The following PEG3 variants were observed in gnomAD, a reference collection of about 807,000 sequenced individuals.
PEG3 encodes the protein paternally expressed 3.
PEG3 carries 23 observed loss-of-function variants against 35.5 expected under a neutral mutation model. The ratio of observed to expected loss-of-function variants is 0.65; its 90% CI spans 0.47 to 0.92. The LOEUF (loss-of-function observed/expected upper bound fraction) is 0.92, where lower values mean the gene tolerates loss of function less well. PEG3 is among the 40% of genes least tolerant of loss of function. PEG3 has a pLI of 0.00. For missense variants in PEG3, 1,960 were observed against 1,985.3 expected (o/e 0.99, Z 0.24); for synonymous variants, 707 against 697.0 (o/e 1.01, Z -0.23).
intron 2 of PEG3, among the ~76,000 whole-genome samples, chr19:56,831,922 G>A (rs1257620646): frequency 1.3e-5 from 2 of 152,188 alleles, no homozygotes; most frequent in Admixed American, 6.5e-5. Context: ...GCAGTTTTCA[G>A]AAAGCAAAGC....
chr19:56,821,753 C>A lies in PEG3; in HGVS notation c.567G>T (p.Arg189Ser). 6.2e-7 allele frequency: 1 copy of A among 1,613,820 alleles called. No homozygotes were observed. The highest frequency in any genetic ancestry group is 8.5e-7 in the Non-Finnish European group (1 of 1,180,002). ...GAAGGGAAAGATCCCGCGGAGGCAT[C>A]CCTGGGAAGAAAAAAGGCATCAACA... The part of the protein sequence containing the change: ...RWSHTRNPRS[R>S]MPPRDLSLPV... The change falls in exon 7 of 10, where the codon AGG (arginine) becomes AGT (serine). Residue 189 changes from arginine (R) to serine (S), a missense_variant and splice_region_variant. Physicochemically the swap from Arg to Ser is moderately radical, Grantham distance 110. Around this residue, in one of 5 missense-constraint regions of PEG3, gnomAD observed 613 missense variants for 577.1 expected, o/e 1.06. Coordinates refer to ENST00000326441, the MANE Select transcript of PEG3 (RefSeq NM_006210.3).
rs375866024 is a variant in PEG3 at position 56,824,640 on chromosome 19, G to A, written c.16C>T (p.His6Tyr). The stretch of plus-strand genomic sequence containing the variant: ...TTCTTAGGTTTGGTGGCAGACAAGT[G>A]CTTTGGAGGCAGCATTTCTCTAAGT... MLPPK[H>Y]LSATKPKKSW... Residue 6 changes from histidine to tyrosine, a missense_variant, in exon 4 of 10, where the codon CAC becomes TAC. Transcript: ENST00000326441. 4 of 1,596,842 alleles carry A rather than the reference G, an allele frequency of 2.5e-6. No homozygotes were observed. The highest frequency in any genetic ancestry group is 3.4e-6 in the Non-Finnish European group (4 of 1,168,836).
chr19:56,820,687 A>C (rs189680818), intron 7 of PEG3, among the ~76,000 whole-genome samples: 2 of 152,280 alleles, frequency 1.3e-5, no homozygotes. Flanking sequence ...CCTTGTTACA[A>C]TTTCTTGTTA....
rs189549324 is a variant in PEG3 at position 56,831,839 on chromosome 19, T to C, written c.-163+4179A>G. Among the ~76,000 whole-genome samples, 8 of 152,362 alleles carry C rather than the reference T, an allele frequency of 5.3e-5. No homozygotes were observed. The East Asian group carries it at 1.2e-3, about 22-fold the overall frequency. On this transcript the variant is annotated intron_variant, in intron 2 of 9. Transcript: ENST00000326441. Reference sequence around the variant, plus strand: ...TAATAAATCTTAAAATCTATACTTATGTTGTTCTTACTGCAAATATTCCCA... The same window carrying C: ...TAATAAATCTTAAAATCTATACTTACGTTGTTCTTACTGCAAATATTCCCA...
In PEG3 at chr19:56,814,329, G is replaced by GGCTGCTGCTGCTGCA. The variant is rs768462739; in HGVS notation, c.4098_4112dup (p.Ala1367_Ala1371dup). ...CATGGACATTGGCTTCAACTTCCTG[G>GGCTGCTGCTGCTGCA]GCTGCTGCTGCTGCAGCTGCTGCTG... On this transcript the variant is annotated inframe_insertion, in exon 10 of 10. Coordinates refer to ENST00000326441, the MANE Select transcript of PEG3 (RefSeq NM_006210.3). This position sits in a 1 kb window ranked among gnomAD's most constrained non-coding sequence, Gnocchi z 5.8. The GGCTGCTGCTGCTGCA allele has an allele frequency of 6.9e-5, 111 of 1,613,734 alleles. No homozygotes were observed. Among genetic ancestry groups the GGCTGCTGCTGCTGCA allele is most frequent in the African/African-American group, 3.2e-4 (24 of 74,872 alleles).
chr19:56,834,474 G>A (rs894053132), intron 2 of PEG3, among the ~76,000 whole-genome samples: 2 of 152,308 alleles, frequency 1.3e-5, no homozygotes. Context: ...TACAGGGAGA[G>A]AATTTGCTGA....
At position 56,817,506 on chromosome 19, in the gene PEG3, T is replaced by C. The variant is rs1297051730; in HGVS notation, c.936A>G (p.Gly312=). The change falls in exon 10 of 10, where the codon GGA becomes GGG. Residue 312 remains glycine, a synonymous_variant. Transcript: ENST00000326441. ...RGICEDESSH[G]VIMEKFIKDV... ...CCTTGATGAATTTTTCCATTATCACTCCGTGGGAAGATTCATCTTCACAAA... is the reference window on the plus strand; with the variant it reads ...CCTTGATGAATTTTTCCATTATCACCCCGTGGGAAGATTCATCTTCACAAA... The C allele has an allele frequency of 1.9e-6, 3 of 1,610,644 alleles. No individual in the cohort carries two copies. In the East Asian group the frequency reaches 6.7e-5, roughly 36 times the overall value.
intron 6 of PEG3, among the ~76,000 whole-genome samples, chr19:56,822,277 T>C (rs558415753): frequency 6.6e-6 from 1 of 152,346 alleles, no homozygotes; most frequent in East Asian, 1.9e-4. Flanking sequence ...TCCAGCAGTA[T>C]GGACACCAAC....
intron 5 of PEG3, 101 bp downstream of exon 5, chr19:56,823,492 G>T: frequency 7.2e-7 from 1 of 1,395,722 alleles, no homozygotes; most frequent in Non-Finnish European, 1.0e-6. Flanking sequence ...ACTCGGGGAT[G>T]GCGGGTCATC....
chr19:56,823,489 G>T, intron 5 of PEG3, 104 bp downstream of exon 5: 1 of 1,363,056 alleles, frequency 7.3e-7, no homozygotes, highest in Non-Finnish European at 1.0e-6. Flanking sequence ...ACCACTCGGG[G>T]ATGGCGGGTC....
intron 2 of PEG3, among the ~76,000 whole-genome samples, chr19:56,827,697 G>A (rs552838716): frequency 1.3e-5 from 2 of 152,214 alleles, no homozygotes; most frequent in African/African-American, 4.8e-5. Context: ...TTGAAGTGTT[G>A]TTAATAGACA....
intron 1 of PEG3, among the ~76,000 whole-genome samples, chr19:56,838,878 T>A (rs1018500424): frequency 2.0e-5 from 3 of 152,036 alleles, no homozygotes; most frequent in African/African-American, 7.2e-5. Flanking sequence ...CCCACACCTA[T>A]GCGGCAAACC....
chr19:56,837,320 C>T (rs576428187), intron 1 of PEG3, among the ~76,000 whole-genome samples: 1 of 152,264 alleles, frequency 6.6e-6, no homozygotes, highest in East Asian at 1.9e-4. Flanking sequence ...CAGGACCACC[C>T]GCAGCCCTGA....
intron 2 of PEG3, among the ~76,000 whole-genome samples, chr19:56,830,805 T>G (rs561960667): frequency 1.1e-4 from 17 of 152,216 alleles, no homozygotes; most frequent in African/African-American, 3.9e-4. Context: ...TGTGGTGGCA[T>G]GAGCCTGTAA....
chr19:56,816,811 A>T lies in PEG3; in HGVS notation c.1631T>A (p.Phe544Tyr). The change falls in exon 10 of 10, where the codon TTC becomes TAC. Residue 544 changes from phenylalanine (F) to tyrosine (Y), a missense_variant. Coordinates refer to ENST00000326441, the MANE Select transcript of PEG3 (RefSeq NM_006210.3). ...CTCACTAAAGGTGGGGCTAGGCATG[A>T]AGGCTTCCTCACATTCCTGATTCTT... ...ECKNQECEEAFMPSPTFSELQ... is the reference protein window; with the variant it reads ...ECKNQECEEAYMPSPTFSELQ... The T allele has an allele frequency of 6.2e-7, 1 of 1,614,152 alleles. No homozygotes were observed. Among genetic ancestry groups the T allele is most frequent in the Non-Finnish European group, 8.5e-7 (1 of 1,180,016 alleles).
In PEG3 at chr19:56,815,708, C is replaced by G. The variant is rs1388789633; in HGVS notation, c.2734G>C (p.Gly912Arg). 1 of 1,614,108 alleles carries G rather than the reference C, an allele frequency of 6.2e-7. No homozygotes were observed. The highest frequency in any genetic ancestry group is 1.6e-4 in the Middle Eastern group (1 of 6,062). The change falls in exon 10 of 10, where the codon GGA (glycine) becomes CGA (arginine). Residue 912 changes from glycine to arginine, a missense_variant. By Grantham distance (125) the Gly-to-Arg change is moderately radical (BLOSUM62 -2). Around this residue, in one of 5 missense-constraint regions of PEG3, gnomAD observed 798 missense variants for 782.4 expected, o/e 1.02. Transcript: ENST00000326441. Reference protein sequence around the residue: ...AKPQKSVPGEGSGEFKKDGEF... With the variant: ...AKPQKSVPGERSGEFKKDGEF... ...CCATCCTTCTTAAACTCACCAGATCCCTCTCCAGGAACACTTTTCTGAGGT... is the reference window on the plus strand; with the variant it reads ...CCATCCTTCTTAAACTCACCAGATCGCTCTCCAGGAACACTTTTCTGAGGT...
At chr19:56,837,763 C>G (rs975751662) in intron 1 of PEG3, among the ~76,000 whole-genome samples, 3 of 152,256 alleles carry the variant, frequency 2.0e-5, no homozygotes, top group Non-Finnish European at 2.9e-5. Flanking sequence ...TTGAAATCCC[C>G]TCAGCCCCCT....
chr19:56,838,171 C>T (rs1270812475), intron 1 of PEG3, among the ~76,000 whole-genome samples: 1 of 152,228 alleles, frequency 6.6e-6, no homozygotes, highest in Non-Finnish European at 1.5e-5. Context: ...GGCCCTACAG[C>T]CAACCCAGCA....
At chr19:56,820,687 A>G (rs189680818) in intron 7 of PEG3, among the ~76,000 whole-genome samples, 1 of 152,280 alleles carries the variant, frequency 6.6e-6, no homozygotes, top group Non-Finnish European at 1.5e-5. Context: ...CCTTGTTACA[A>G]TTTCTTGTTA....
Sources: allele counts gnomAD v4.1 joint callset (sites outside exome capture counted in the v4.1 genomes callset), GRCh38; gene constraint gnomAD v4.1.1; regional missense constraint gnomAD v4.1.1; non-coding constraint Gnocchi (gnomAD v3.1); transcripts MANE v1.5; gene names NCBI Gene and HGNC (gene_info 2026-07-23, HGNC 2026-07-21).